The following PAPSS2 variants were observed in gnomAD, a reference collection of about 807,000 sequenced individuals.
The protein encoded by PAPSS2 is 3'-phosphoadenosine 5'-phosphosulfate synthase 2.
A neutral mutation model predicts 66.5 loss-of-function variants in PAPSS2; 61 were observed. The ratio of observed to expected loss-of-function variants is 0.92; its 90% CI spans 0.75 to 1.14. The LOEUF is 1.14. Among genes scored for constraint, PAPSS2 ranks in the 50% most tolerant of loss-of-function variants. PAPSS2 has a pLI of 0.00. For synonymous variants in PAPSS2, 289 were observed against 287.5 expected (o/e 1.01, Z -0.05); for missense variants, 708 against 789.6 (o/e 0.90, Z 1.24).
chr10:87,665,403 G>T (rs1000183456), intron 1 of PAPSS2, among the ~76,000 whole-genome samples: 1 of 152,140 alleles, frequency 6.6e-6, no homozygotes, highest in Non-Finnish European at 1.5e-5. Context: ...AGTAGAGACG[G>T]GGTTTCACCG....
At chr10:87,722,748 G>A (rs181966457) in intron 8 of PAPSS2, among the ~76,000 whole-genome samples, 1 of 152,300 alleles carries the variant, frequency 6.6e-6, no homozygotes, top group Admixed American at 6.5e-5. Context: ...AGTAATAGTT[G>A]GATACGTTTA....
chr10:87,660,368 G>C (rs968960586), intron 1 of PAPSS2: 13 of 439,302 alleles, frequency 3.0e-5, no homozygotes, highest in Non-Finnish European at 4.1e-5. Context: ...TCTTCTGTAG[G>C]GTCTCGGAGC....
intron 1 of PAPSS2, among the ~76,000 whole-genome samples, chr10:87,662,140 C>T (rs1852759796): frequency 1.3e-5 from 2 of 152,180 alleles, no homozygotes; most frequent in Admixed American, 1.3e-4. Flanking sequence ...TTATAGGAAT[C>T]ATCACATTGT....
chr10:87,690,136 A>G (rs1853154145), intron 1 of PAPSS2, among the ~76,000 whole-genome samples: 2 of 152,228 alleles, frequency 1.3e-5, no homozygotes, highest in African/African-American at 2.4e-5. Flanking sequence ...AAAATTAAGT[A>G]TAAGGTTATT....
At position 87,702,802 on chromosome 10, in the gene PAPSS2, T is replaced by C. The variant is rs574821780; in HGVS notation, c.28-6394T>C. The stretch of plus-strand genomic sequence containing the variant: ...AGACACCTGGTTTAGGGCTTTTTCA[T>C]TCCCCAAGACTCCTCCTCCCTTCCA... On this transcript the variant is annotated intron_variant, in intron 1 of 12. Coordinates refer to ENST00000456849, the MANE Select transcript of PAPSS2 (RefSeq NM_001015880.2). 2.0e-5 allele frequency among the ~76,000 whole-genome samples: 3 copies of C among 152,284 alleles called. No homozygotes were observed. The East Asian group carries it at 5.8e-4, about 29-fold the overall frequency.
chr10:87,663,153 C>T (rs1295496510), intron 1 of PAPSS2, among the ~76,000 whole-genome samples: 1 of 141,692 alleles, frequency 7.1e-6, no homozygotes, highest in Non-Finnish European at 1.5e-5. Context: ...GCTCTGTCAC[C>T]CAGGCTGGAG....
chr10:87,714,281 T>C (rs1226667347), intron 4 of PAPSS2, 99 bp downstream of exon 4: 2 of 1,351,636 alleles, frequency 1.5e-6, no homozygotes, highest in African/African-American at 2.9e-5. Context: ...CAAACTGTTT[T>C]CCAAAATTGC....
intron 1 of PAPSS2, among the ~76,000 whole-genome samples, chr10:87,691,431 C>T (rs2131913800): frequency 6.6e-6 from 1 of 151,638 alleles, no homozygotes; most frequent in South Asian, 2.1e-4. Context: ...CCTACGTTCT[C>T]TTATATTGGT....
At chr10:87,713,049 C>A in intron 2 of PAPSS2, 26 bp from the exon 3 acceptor site, 1 of 1,276,592 alleles carries the variant, frequency 7.8e-7, no homozygotes, top group South Asian at 1.2e-5. Flanking sequence ...AGGCCGATGT[C>A]AGTCTGTTTT....
At chr10:87,744,317 C>T (rs1853910444) in intron 11 of PAPSS2, among the ~76,000 whole-genome samples, 1 of 152,182 alleles carries the variant, frequency 6.6e-6, no homozygotes, top group Non-Finnish European at 1.5e-5. Flanking sequence ...AGATAAATGT[C>T]ACCCTTTTAT....
chr10:87,682,504 GTTCA>G (rs1481963525), intron 1 of PAPSS2, among the ~76,000 whole-genome samples: 2 of 152,106 alleles, frequency 1.3e-5, no homozygotes, highest in East Asian at 3.9e-4. Flanking sequence ...GAATTGGAGT[GTTCA>G]TTAAGTCCAT....
intron 1 of PAPSS2, among the ~76,000 whole-genome samples, chr10:87,669,181 TTTAA>T (rs1467775165): frequency 6.6e-6 from 1 of 152,138 alleles, no homozygotes; most frequent in African/African-American, 2.4e-5. Context: ...TCTCAAGTGG[TTTAA>T]TTGTTTTATT....
chr10:87,697,357 C>A (rs1011841647), intron 1 of PAPSS2, among the ~76,000 whole-genome samples: 1 of 152,192 alleles, frequency 6.6e-6, no homozygotes, highest in Non-Finnish European at 1.5e-5. Context: ...GGGGCTTCCA[C>A]CCTGGCACCT....
chr10:87,680,318 C>G (rs1192106198), intron 1 of PAPSS2, among the ~76,000 whole-genome samples: 2 of 152,180 alleles, frequency 1.3e-5, no homozygotes, highest in Non-Finnish European at 2.9e-5. Context: ...ACACTGAAGT[C>G]AATTTTAAGT....
intron 1 of PAPSS2, among the ~76,000 whole-genome samples, chr10:87,662,213 T>C (rs991496609): frequency 3.3e-5 from 5 of 152,048 alleles, no homozygotes; most frequent in African/African-American, 1.2e-4. Context: ...ACTTCAAATA[T>C]TTGTTGAGCA....
rs1853939971 is a variant in PAPSS2 at position 87,746,372 on chromosome 10, TATATC to T, written c.*404_*408del. 1.3e-5 allele frequency: 2 copies of T among 159,748 alleles called. No homozygotes were observed. The highest frequency in any genetic ancestry group is 3.5e-4 in the South Asian group (2 of 5,704). The allele number at this position is 159,748 out of a possible 1,614,324, so 9.9% of individuals were successfully genotyped here. ...CCAATGTCATTTATCAGTTGTAAAA[TATATC>T]AGATTGTGTCCTCTTCTGTACAATT... On this transcript the variant is annotated 3_prime_UTR_variant, in exon 13 of 13. Transcript: ENST00000456849.
chr10:87,661,054 G>T (rs939238835), intron 1 of PAPSS2: 1 of 455,772 alleles, frequency 2.2e-6, no homozygotes, highest in East Asian at 6.9e-5. Context: ...TGGACACATA[G>T]TAGGTGCCTG....
intron 1 of PAPSS2, among the ~76,000 whole-genome samples, chr10:87,668,368 G>A (rs17116627): frequency 0.039 from 5,953 of 152,088 alleles, 344 homozygotes; most frequent in East Asian, 0.28. Flanking sequence ...ACCAAACCAG[G>A]ATCTCTATTT....
In PAPSS2 at chr10:87,746,062, G is replaced by T. The variant is rs1331331875; in HGVS notation, c.*92G>T. On this transcript the variant is annotated 3_prime_UTR_variant, in exon 13 of 13. Transcript: ENST00000456849. Reference sequence around the variant, plus strand: ...GCTTTGTATTAAATTGCTTCTCAATGATGCATTTTAATCTTTTATAATGAA... The same window carrying T: ...GCTTTGTATTAAATTGCTTCTCAATTATGCATTTTAATCTTTTATAATGAA... 2 of 1,228,826 alleles carry T rather than the reference G, an allele frequency of 1.6e-6. No individual in the cohort carries two copies. Among genetic ancestry groups the T allele is most frequent in the Non-Finnish European group, 2.4e-6 (2 of 844,856 alleles). The allele number at this position is 1,228,826 out of a possible 1,614,324, so 76.1% of individuals were successfully genotyped here. A position where few individuals can be genotyped will look rare whatever the true frequency, so the allele number is the denominator to read the frequency against.
Sources: allele counts gnomAD v4.1 joint callset (sites outside exome capture counted in the v4.1 genomes callset), GRCh38; gene constraint gnomAD v4.1.1; transcripts MANE v1.5; gene names NCBI Gene and HGNC (gene_info 2026-07-23, HGNC 2026-07-21).